Variants in RALYL observed in about 807,000 individuals in gnomAD.
The protein encoded by RALYL is RNA-binding Raly-like protein.
Under a neutral mutation model 35.1 loss-of-function variants are expected in RALYL, and 29 were observed. The observed-to-expected ratio is 0.83, with a 90% CI of 0.61 to 1.13. RALYL has a LOEUF of 1.13. Among genes scored for constraint, RALYL ranks in the 50% most tolerant of loss-of-function variants. The pLI is 0.00. For missense variants in RALYL, 359 were observed against 360.4 expected (o/e 1.00, Z 0.03); for synonymous variants, 120 against 127.6 (o/e 0.94, Z 0.40).
At chr8:84,824,868 T>G (rs10097859) in intron 4 of RALYL, among the ~76,000 whole-genome samples, 2,467 of 152,224 alleles carry the variant, frequency 0.016, 66 homozygotes, top group African/African-American at 0.057. Context: ...TAACTCAAAT[T>G]GGATTAAATA....
At chr8:84,550,743 C>A (rs1391910814) in intron 2 of RALYL, among the ~76,000 whole-genome samples, 1 of 151,668 alleles carries the variant, frequency 6.6e-6, no homozygotes, top group Non-Finnish European at 1.5e-5. Context: ...TACTATTATT[C>A]TGACAATTTT....
chr8:84,388,010 A>C (rs184474167), intron 1 of RALYL, among the ~76,000 whole-genome samples: 6 of 152,004 alleles, frequency 3.9e-5, no homozygotes, highest in Admixed American at 3.9e-4. Flanking sequence ...ACGCCACACC[A>C]GTCCCCAGAG....
chr8:84,280,097 CT>C (rs933639579), intron 1 of RALYL, among the ~76,000 whole-genome samples: 1 of 152,116 alleles, frequency 6.6e-6, no homozygotes, highest in Non-Finnish European at 1.5e-5. Context: ...GCTGAAAGAA[CT>C]GCTATAATGG....
chr8:84,688,916 G>C (rs368809864), intron 2 of RALYL, among the ~76,000 whole-genome samples: 7 of 151,844 alleles, frequency 4.6e-5, no homozygotes, highest in Admixed American at 2.6e-4. Context: ...GATGTCGAAA[G>C]AATTTCTCAA....
intron 1 of RALYL, among the ~76,000 whole-genome samples, chr8:84,303,674 T>A (rs1324574535): frequency 6.6e-6 from 1 of 152,244 alleles, no homozygotes; most frequent in Admixed American, 6.5e-5. Context: ...GGACCTTGGA[T>A]ATAATGTAAT....
In RALYL at chr8:84,618,276, T is replaced by A. The variant is rs1449141503; in HGVS notation, c.256+88699T>A. On this transcript the variant is annotated intron_variant, in intron 2 of 8. Transcript: ENST00000521268. ...ATTATTGCCACAATTTCAGAGTCTG[T>A]TATTGGTCTATTCAGAGATTCAACT... is the stretch of plus-strand genomic sequence containing the variant. 2.6e-5 allele frequency among the ~76,000 whole-genome samples: 4 copies of A among 151,918 alleles called. No homozygotes were observed. The East Asian group carries it at 7.7e-4, about 29-fold the overall frequency.
chr8:84,709,682 T>G (rs992795061), intron 2 of RALYL, among the ~76,000 whole-genome samples: 5 of 152,054 alleles, frequency 3.3e-5, no homozygotes, highest in African/African-American at 4.8e-5. Flanking sequence ...AAGCAAGACC[T>G]TATAATGTAG....
At chr8:84,249,748 A>G (rs1229009520) in intron 1 of RALYL, among the ~76,000 whole-genome samples, 1 of 152,076 alleles carries the variant, frequency 6.6e-6, no homozygotes, top group African/African-American at 2.4e-5. Context: ...CTTAGAGAGT[A>G]TATATTCTAC....
At chr8:84,815,318 TAAATA>T (rs1331549606) in intron 4 of RALYL, among the ~76,000 whole-genome samples, 2 of 150,820 alleles carry the variant, frequency 1.3e-5, no homozygotes, top group South Asian at 2.1e-4. Flanking sequence ...TTCAAAATAT[TAAATA>T]ATATAATTTC....
At chr8:84,706,041 C>A (rs1841147018) in intron 2 of RALYL, 6 of 1,535,082 alleles carry the variant, frequency 3.9e-6, no homozygotes, top group Non-Finnish European at 5.2e-6. Context: ...TGTACAAGAG[C>A]AAACGCAGAC....
chr8:84,549,364 G>A (rs1389490291), intron 2 of RALYL, among the ~76,000 whole-genome samples: 1 of 152,128 alleles, frequency 6.6e-6, no homozygotes, highest in African/African-American at 2.4e-5. Flanking sequence ...CCATGGATTG[G>A]TGTGATGGTT....
chr8:84,478,310 T>C (rs1054791467), intron 1 of RALYL, among the ~76,000 whole-genome samples: 5 of 151,648 alleles, frequency 3.3e-5, no homozygotes, highest in African/African-American at 1.2e-4. Context: ...TCCCAGAGAG[T>C]GAGAATTTGT....
At chr8:84,578,462 G>A (rs1487943431) in intron 2 of RALYL, among the ~76,000 whole-genome samples, 1 of 152,224 alleles carries the variant, frequency 6.6e-6, no homozygotes, top group African/African-American at 2.4e-5. Context: ...CCCTGTTTGT[G>A]TTACAGCTTT....
chr8:84,506,927 G>A (rs1009930630), intron 1 of RALYL, among the ~76,000 whole-genome samples: 4 of 152,086 alleles, frequency 2.6e-5, no homozygotes, highest in African/African-American at 4.8e-5. Flanking sequence ...AACCTGTCAC[G>A]GCACAGCCCA....
chr8:84,305,518 C>T (rs113537862), intron 1 of RALYL, among the ~76,000 whole-genome samples: 3,959 of 152,250 alleles, frequency 0.026, 100 homozygotes, highest in Non-Finnish European at 0.029. Flanking sequence ...GAAAAGGGAA[C>T]AAATTGCAAA....
intron 2 of RALYL, chr8:84,679,856 T>C: frequency 2.7e-6 from 1 of 368,492 alleles, no homozygotes; most frequent in Non-Finnish European, 5.2e-6. Context: ...TTTTTTCTTT[T>C]TTTTAAAATT....
chr8:84,522,568 A>G (rs2058549027), intron 1 of RALYL, among the ~76,000 whole-genome samples: 2 of 152,128 alleles, frequency 1.3e-5, no homozygotes, highest in African/African-American at 4.8e-5. Flanking sequence ...AAATTTTTAT[A>G]ATATTGTTTA....
chr8:84,359,966 G>A (rs568425532), intron 1 of RALYL, among the ~76,000 whole-genome samples: 5 of 148,442 alleles, frequency 3.4e-5, no homozygotes, highest in African/African-American at 1.2e-4. Flanking sequence ...GTGTAATCTT[G>A]GCTCACTACA....
intron 1 of RALYL, among the ~76,000 whole-genome samples, chr8:84,490,618 A>G (rs1300096042): frequency 1.3e-5 from 2 of 151,960 alleles, no homozygotes; most frequent in Non-Finnish European, 1.5e-5. Context: ...TGTTTGGAAA[A>G]GGTGAATCAA....
Sources: gnomAD v4.1 joint callset for allele counts (sites outside exome capture counted in the v4.1 genomes callset) on GRCh38, gnomAD v4.1.1 for gene constraint, MANE v1.5 for transcripts, NCBI Gene and HGNC (gene_info 2026-07-23, HGNC 2026-07-21) for gene names.